Variants in CDH13 observed in about 807,000 individuals in gnomAD.
The protein encoded by CDH13 is cadherin 13.
CDH13 carries 24 observed loss-of-function variants against 63.8 expected under a neutral mutation model. That is an observed-to-expected ratio of 0.38 (90% CI 0.27 to 0.53). The LOEUF (loss-of-function observed/expected upper bound fraction) is 0.53, where lower values mean the gene tolerates loss of function less well. Among genes scored for constraint, CDH13 ranks in the 20% least tolerant of loss-of-function variants. The pLI, the probability that CDH13 is intolerant of heterozygous loss-of-function variation, is 0.85. For synonymous variants in CDH13, 503 were observed against 355.3 expected (o/e 1.42, Z -4.67); for missense variants, 1,049 against 903.1 (o/e 1.16, Z -2.07).
chr16:83,081,354 G>A (rs1180781544), intron 3 of CDH13, among the ~76,000 whole-genome samples: 1 of 152,118 alleles, frequency 6.6e-6, no homozygotes, highest in Admixed American at 6.5e-5. Flanking sequence ...GTTGAAGACG[G>A]GCATTGAACA....
At chr16:82,803,867 G>A (rs2318181) in intron 1 of CDH13, among the ~76,000 whole-genome samples, 12,853 of 152,190 alleles carry the variant, frequency 0.084, 607 homozygotes, top group South Asian at 0.11. Flanking sequence ...TATATGGGAA[G>A]AAAAAGTTCT....
chr16:82,719,747 G>A (rs1241204855), intron 1 of CDH13, among the ~76,000 whole-genome samples: 1 of 147,988 alleles, frequency 6.8e-6, no homozygotes, highest in Non-Finnish European at 1.5e-5. Flanking sequence ...TCGGGAGGCT[G>A]AAACAGGAGA....
Position 82,780,853 on chromosome 16 carries a change from G to A in CDH13, c.46-77509G>A, listed in dbSNP as rs566658265. Among the ~76,000 whole-genome samples, 38 of 152,266 alleles carry A rather than the reference G, an allele frequency of 2.5e-4. 1 individual carries two copies. Among genetic ancestry groups the A allele is most frequent in the Middle Eastern group, 6.8e-3 (2 of 294 alleles). ...GTTGTAATAAAAACTGTAATAACCC[G>A]ATACACAAAAACAAGGGTTATATTT... On this transcript the variant is annotated intron_variant, in intron 1 of 13. Transcript: ENST00000567109.
intron 4 of CDH13, among the ~76,000 whole-genome samples, chr16:83,146,206 A>AAAAAAAAAG (rs1472391722): frequency 3.4e-5 from 5 of 147,760 alleles, no homozygotes; most frequent in African/African-American, 1.3e-4. Flanking sequence ...AAAAAAAAAA[A>AAAAAAAAAG]AAAAGAAAAG....
At chr16:83,655,819 C>G (rs948828742) in intron 8 of CDH13, among the ~76,000 whole-genome samples, 2 of 152,260 alleles carry the variant, frequency 1.3e-5, no homozygotes, top group African/African-American at 4.8e-5. Flanking sequence ...AACAAAATGA[C>G]TCTGGCTGCT....
In CDH13 at chr16:83,796,632, G is replaced by A. The variant is rs981898793; in HGVS notation, c.*1602G>A. 1 of 152,000 alleles carries A rather than the reference G, an allele frequency of 6.6e-6. No homozygotes were observed. The highest frequency in any genetic ancestry group is 1.5e-5 in the Non-Finnish European group (1 of 68,018). The allele number at this position is 152,000 out of a possible 1,614,324, so 9.4% of individuals were successfully genotyped here. On this transcript the variant is annotated 3_prime_UTR_variant, in exon 14 of 14. Transcript: ENST00000567109. ...GTAACTGTTCTCTGATTTCTATCTT[G>A]TGTCCAATGTCACTGATGTTGGGTC...
intron 4 of CDH13, among the ~76,000 whole-genome samples, chr16:83,215,094 T>TTTTTTTTTTTA: frequency 1.4e-5 from 2 of 143,964 alleles, no homozygotes; most frequent in Non-Finnish European, 3.0e-5. Flanking sequence ...TTTTTTTTTT[T>TTTTTTTTTTTA]GAGATGGAGT....
At chr16:82,669,050 G>A (rs28442019) in intron 1 of CDH13, among the ~76,000 whole-genome samples, 2,214 of 152,242 alleles carry the variant, frequency 0.015, 43 homozygotes, top group African/African-American at 0.046. Context: ...GTAAATTAGC[G>A]GGATCCACAA....
chr16:82,714,982 T>A (rs914018890), intron 1 of CDH13, among the ~76,000 whole-genome samples: 1 of 133,972 alleles, frequency 7.5e-6, no homozygotes, highest in Non-Finnish European at 1.6e-5. Context: ...CAGTGTGTGA[T>A]ACTTTGTTCC....
chr16:82,726,847 A>G (rs2033124671), intron 1 of CDH13, among the ~76,000 whole-genome samples: 1 of 152,206 alleles, frequency 6.6e-6, no homozygotes. Flanking sequence ...AATAGTATTA[A>G]TAGTATTATC....
rs142439031 is a variant in CDH13 at position 82,949,055 on chromosome 16, A to G, written c.158-82955A>G. Among the ~76,000 whole-genome samples the G allele has an allele frequency of 5.3e-5, 8 of 152,288 alleles. No individual in the cohort carries two copies. The East Asian group carries it at 1.5e-3, about 29-fold the overall frequency. On this transcript the variant is annotated intron_variant, in intron 2 of 13. Coordinates refer to ENST00000567109, the MANE Select transcript of CDH13 (RefSeq NM_001257.5). ...CAAATTACCCTGTGTAAACCTCCTT[A>G]TGACCCAAAGAGATATTTTGAATGA...
chr16:82,866,651 A>G (rs2040157220), intron 2 of CDH13, among the ~76,000 whole-genome samples: 1 of 151,786 alleles, frequency 6.6e-6, no homozygotes. Flanking sequence ...ACTGCCTGAG[A>G]CTGGGTAGTT....
chr16:82,972,486 A>T (rs1052839504), intron 2 of CDH13, among the ~76,000 whole-genome samples: 1 of 152,188 alleles, frequency 6.6e-6, no homozygotes, highest in South Asian at 2.1e-4. Context: ...GAGTCTCCAG[A>T]GCAAGTTGTT....
intron 1 of CDH13, among the ~76,000 whole-genome samples, chr16:82,627,549 C>T (rs1052448579): frequency 2.6e-5 from 4 of 152,184 alleles, no homozygotes; most frequent in African/African-American, 9.6e-5. Flanking sequence ...TTTTCCCCAG[C>T]CCAACGCCCA....
intron 10 of CDH13, among the ~76,000 whole-genome samples, chr16:83,727,728 C>T (rs1228470533): frequency 6.6e-6 from 1 of 152,080 alleles, no homozygotes; most frequent in Non-Finnish European, 1.5e-5. Flanking sequence ...CAGGAAAGGC[C>T]TGTGTGTTCA....
At chr16:82,879,213 T>C (rs2040608477) in intron 2 of CDH13, among the ~76,000 whole-genome samples, 1 of 152,052 alleles carries the variant, frequency 6.6e-6, no homozygotes, top group Non-Finnish European at 1.5e-5. Context: ...TGGATTTGGA[T>C]GCCAGCTCTA....
At chr16:82,773,801 T>G (rs1287286955) in intron 1 of CDH13, among the ~76,000 whole-genome samples, 1 of 141,414 alleles carries the variant, frequency 7.1e-6, no homozygotes, top group East Asian at 2.1e-4. Context: ...CTTTTTTTTT[T>G]TAAATGGAGT....
chr16:83,185,840 G>T (rs1020760314), intron 4 of CDH13, among the ~76,000 whole-genome samples: 1 of 152,136 alleles, frequency 6.6e-6, no homozygotes, highest in Non-Finnish European at 1.5e-5. Flanking sequence ...ATAGATTTAT[G>T]CATTTGAAAC....
intron 4 of CDH13, among the ~76,000 whole-genome samples, chr16:83,208,588 A>G (rs1313920743): frequency 6.6e-6 from 1 of 152,178 alleles, no homozygotes; most frequent in Non-Finnish European, 1.5e-5. Flanking sequence ...TGTAAGTAAT[A>G]TAGGCTCATT....
Sources: allele counts gnomAD v4.1 joint callset (sites outside exome capture counted in the v4.1 genomes callset), GRCh38; gene constraint gnomAD v4.1.1; transcripts MANE v1.5; gene names NCBI Gene and HGNC (gene_info 2026-07-23, HGNC 2026-07-21).